The following TIAM2 variants were observed in gnomAD, a reference collection of about 807,000 sequenced individuals.
The protein encoded by TIAM2 is rho guanine nucleotide exchange factor TIAM2.
Under a neutral mutation model 152.9 loss-of-function variants are expected in TIAM2, and 80 were observed. That is an observed-to-expected ratio of 0.52 (90% CI 0.44 to 0.63). TIAM2 has a LOEUF of 0.63. TIAM2 is among the 30% of genes least tolerant of loss of function. The probability of loss-of-function intolerance (pLI) is 0.00; values close to 1 mark genes in which losing one functional copy is unlikely to be tolerated. For synonymous variants in TIAM2, 804 were observed against 838.0 expected (o/e 0.96, Z 0.70); for missense variants, 1,965 against 2,120.1 (o/e 0.93, Z 1.44).
In TIAM2 at chr6:155,058,126, T is replaced by G. The variant is rs1777494922; in HGVS notation, c.-208-32163T>G. 2.0e-5 allele frequency among the ~76,000 whole-genome samples: 3 copies of G among 152,146 alleles called. No homozygotes were observed. In the South Asian group the frequency reaches 6.2e-4, roughly 32 times the overall value. On this transcript the variant is annotated intron_variant, in intron 1 of 26. Transcript: ENST00000682666. Reference sequence around the variant, plus strand: ...CCTGCCCCAGTGCCAAAATAAGCCATTTCTCCAAGGAGCCCTGGTTCCTTG... The same window carrying G: ...CCTGCCCCAGTGCCAAAATAAGCCAGTTCTCCAAGGAGCCCTGGTTCCTTG...
At chr6:155,038,070 G>A (rs576103823) in intron 1 of TIAM2, among the ~76,000 whole-genome samples, 1 of 152,286 alleles carries the variant, frequency 6.6e-6, no homozygotes, top group Admixed American at 6.5e-5. Context: ...TGTTAAATAA[G>A]GAGCATTAAA....
intron 2 of TIAM2, among the ~76,000 whole-genome samples, chr6:155,114,495 C>T (rs1220237534): frequency 6.6e-6 from 1 of 151,682 alleles, no homozygotes; most frequent in Non-Finnish European, 1.5e-5. Flanking sequence ...GTGGCCATGC[C>T]CCACCCCCAC....
intron 7 of TIAM2, among the ~76,000 whole-genome samples, chr6:155,155,674 C>T (rs1184094766): frequency 1.3e-5 from 2 of 152,042 alleles, no homozygotes; most frequent in Non-Finnish European, 1.5e-5. Context: ...GGGGTTTTGC[C>T]ATGTTGGCCA....
chr6:155,148,426 G>T, intron 7 of TIAM2, 92 bp downstream of exon 7: 2 of 1,285,950 alleles, frequency 1.6e-6, no homozygotes, highest in South Asian at 2.7e-5. Context: ...GTATTTCTTG[G>T]CTCACATCTT....
intron 2 of TIAM2, among the ~76,000 whole-genome samples, chr6:155,125,787 G>A (rs1779280484): frequency 6.6e-6 from 1 of 151,868 alleles, no homozygotes; most frequent in Non-Finnish European, 1.5e-5. Context: ...GCAGTGAGCC[G>A]AGATTGTGCC....
At chr6:155,197,355 T>A (rs1781370490) in intron 14 of TIAM2, among the ~76,000 whole-genome samples, 1 of 152,246 alleles carries the variant, frequency 6.6e-6, no homozygotes, top group African/African-American at 2.4e-5. Context: ...TTAGCAACAT[T>A]ATTTGAACAT....
rs866772406 is a variant in TIAM2, at chr6:155,218,855, A to G, written c.3168+7548A>G. On this transcript the variant is annotated intron_variant, in intron 15 of 26. Coordinates refer to ENST00000682666, the MANE Select transcript of TIAM2 (RefSeq NM_012454.4). The surrounding 1 kb of genome is among the most constrained non-coding windows in gnomAD (Gnocchi z 4.5). Reference sequence around the variant, plus strand: ...CAGCCATCCACCCGTGTTCTCGACCATCTCAGCCGCCCACCCGTGTTCTTG... The same window carrying G: ...CAGCCATCCACCCGTGTTCTCGACCGTCTCAGCCGCCCACCCGTGTTCTTG... 1.5e-4 allele frequency among the ~76,000 whole-genome samples: 23 copies of G among 149,502 alleles called. No homozygotes were observed. Among genetic ancestry groups the G allele is most frequent in the Non-Finnish European group, 1.2e-4 (8 of 67,444 alleles).
chr6:155,211,350 G>C (rs921913424), intron 15 of TIAM2, 43 bp downstream of exon 15: 15 of 1,554,770 alleles, frequency 9.6e-6, no homozygotes, highest in Non-Finnish European at 1.2e-5. Context: ...CCAGGCAGGC[G>C]AGTGTTAGTT....
chr6:155,245,759 T>TTTTG lies in TIAM2; in HGVS notation c.3652+31_3652+32insGTTT, dbSNP rs767876937. 2.6e-5 allele frequency: 38 copies of TTTTG among 1,441,466 alleles called. No homozygotes were observed. In the African/African-American group the frequency reaches 4.9e-4, roughly 19 times the overall value. The allele number at this position is 1,441,466 out of a possible 1,614,324, so 89.3% of individuals were successfully genotyped here. On this transcript the variant is annotated intron_variant, in intron 19 of 26. Transcript: ENST00000682666. Reference sequence around the variant, plus strand: ...AAGTTGCTTATGCCTTTTATAGTTTTTTTTTTTTTTTGCATTTTTAACTGT... The same window carrying TTTTG: ...AAGTTGCTTATGCCTTTTATAGTTTTTTTGTTTTTTTTTTTGCATTTTTAACTGT...
chr6:155,131,539 CA>C (rs1010637337), intron 4 of TIAM2, among the ~76,000 whole-genome samples: 27 of 142,722 alleles, frequency 1.9e-4, no homozygotes, highest in South Asian at 2.2e-4. Flanking sequence ...GTTGGTACAT[CA>C]AAAAAAAAAG....
chr6:155,052,086 A>G (rs925335808), intron 1 of TIAM2, among the ~76,000 whole-genome samples: 8 of 152,154 alleles, frequency 5.3e-5, no homozygotes, highest in Admixed American at 5.2e-4. Flanking sequence ...ACCACTATGG[A>G]AAGTTGATCT....
chr6:155,130,558 G>T, intron 4 of TIAM2, 141 bp downstream of exon 4: 1 of 739,646 alleles, frequency 1.4e-6, no homozygotes, highest in South Asian at 2.1e-5. Flanking sequence ...GGAAAGCCTG[G>T]CTCATCTCAT....
chr6:155,117,527 C>G (rs979401496), intron 2 of TIAM2, among the ~76,000 whole-genome samples: 2 of 152,200 alleles, frequency 1.3e-5, no homozygotes, highest in African/African-American at 4.8e-5. Context: ...GCTGCAACCT[C>G]CGCCTCCTGG....
rs937234111 is a variant in TIAM2, at chr6:155,028,930, A to G, written c.-209+33438A>G. Among the ~76,000 whole-genome samples, 27 of 102,104 alleles carry G rather than the reference A, an allele frequency of 2.6e-4. 1 individual carries two copies. The highest frequency in any genetic ancestry group is 5.6e-4 in the South Asian group (2 of 3,574). 67.0% of individuals were successfully genotyped at this position (102,104 alleles called of 152,430 possible). On this transcript the variant is annotated intron_variant, in intron 1 of 26. Coordinates refer to ENST00000682666, the MANE Select transcript of TIAM2 (RefSeq NM_012454.4). Reference sequence around the variant, plus strand: ...ATACTATGTTATATATACACTGTATATACTATATATACTATGTTATATATA... The same window carrying G: ...ATACTATGTTATATATACACTGTATGTACTATATATACTATGTTATATATA...
At chr6:155,001,562 A>G (rs1778313212) in intron 1 of TIAM2, among the ~76,000 whole-genome samples, 1 of 152,074 alleles carries the variant, frequency 6.6e-6, no homozygotes, top group Non-Finnish European at 1.5e-5. Flanking sequence ...CGTATAATGT[A>G]TTTCCTCTCC....
In TIAM2 at chr6:155,164,132, T is replaced by A. The variant is rs12212948; in HGVS notation, c.2029-283T>A. Among the ~76,000 whole-genome samples the A allele has an allele frequency of 3.1e-4, 23 of 74,868 alleles. 1 individual carries two copies. The highest frequency in any genetic ancestry group is 1.0e-3 in the African/African-American group (23 of 23,008). 49.1% of individuals were successfully genotyped at this position (74,868 alleles called of 152,430 possible). On this transcript the variant is annotated intron_variant, in intron 7 of 26. Coordinates refer to ENST00000682666, the MANE Select transcript of TIAM2 (RefSeq NM_012454.4). ...CTGGCACCACACCAGCTAATTTTTG[T>A]GTTTTTTTTTTTTCTTTTTTTTAGT...
chr6:155,173,169 T>TTGTG lies in TIAM2; in HGVS notation c.2362-3617_2362-3614dup, dbSNP rs60356205. 4.5e-3 allele frequency among the ~76,000 whole-genome samples: 667 copies of TTGTG among 146,854 alleles called. 5 individuals carry two copies. Among genetic ancestry groups the TTGTG allele is most frequent in the South Asian group, 0.012 (52 of 4,514 alleles). ...CTTGAACTGTATACATTTGTGAGGG[T>TTGTG]TGTGTGTGTGTGTGTGTGTGTGTGT... On this transcript the variant is annotated intron_variant, in intron 9 of 26. Coordinates refer to ENST00000682666, the MANE Select transcript of TIAM2 (RefSeq NM_012454.4).
chr6:155,045,743 CCCCT>C (rs1394431121), intron 1 of TIAM2, among the ~76,000 whole-genome samples: 1 of 151,948 alleles, frequency 6.6e-6, no homozygotes, highest in Non-Finnish European at 1.5e-5. Context: ...AGTGCTTTTA[CCCCT>C]GTGGGGAGCC....
rs1280192679 is a variant in TIAM2 at position 155,218,772 on chromosome 6, A to G, written c.3168+7465A>G. Among the ~76,000 whole-genome samples, 1 of 152,198 alleles carries G rather than the reference A, an allele frequency of 6.6e-6. No homozygotes were observed. The highest frequency in any genetic ancestry group is 1.5e-5 in the Non-Finnish European group (1 of 68,046). On this transcript the variant is annotated intron_variant, in intron 15 of 26. Transcript: ENST00000682666. This position sits in a 1 kb window ranked among gnomAD's most constrained non-coding sequence, Gnocchi z 4.5. ...TGAGCACCTCAATAAAATGCTGTTG[A>G]AAGTAAGACGTGCATGCTTTGACCA...
Sources: allele counts gnomAD v4.1 joint callset (sites outside exome capture counted in the v4.1 genomes callset), GRCh38; gene constraint gnomAD v4.1.1; non-coding constraint Gnocchi (gnomAD v3.1); transcripts MANE v1.5; gene names NCBI Gene and HGNC (gene_info 2026-07-23, HGNC 2026-07-21).